RBKS: variants seen among roughly 807,000 people sequenced by gnomAD.
RBKS encodes the protein ribokinase.
RBKS carries 33 observed loss-of-function variants against 33.9 expected under a neutral mutation model. That is an observed-to-expected ratio of 0.97 (90% CI 0.74 to 1.30). The LOEUF is 1.30. Ranked by LOEUF, RBKS falls within the 50% of genes most tolerant of loss-of-function variation. The pLI, the probability that RBKS is intolerant of heterozygous loss-of-function variation, is 0.00. For missense variants in RBKS, 361 were observed against 392.6 expected, an observed-to-expected ratio of 0.92 and a Z score of 0.68; for synonymous variants, 125 against 143.0, an observed-to-expected ratio of 0.87 and a Z score of 0.90.
intron 1 of RBKS, among the ~76,000 whole-genome samples, chr2:27,874,168 G>T (rs1274189883): frequency 6.6e-6 from 1 of 152,172 alleles, no homozygotes; most frequent in African/African-American, 2.4e-5. Flanking sequence ...TCACTGTGTA[G>T]AAAGTACTAA....
At chr2:27,847,587 T>C (rs1376977593) in intron 3 of RBKS, among the ~76,000 whole-genome samples, 1 of 152,232 alleles carries the variant, frequency 6.6e-6, no homozygotes, top group African/African-American at 2.4e-5. Flanking sequence ...CAAAGAGCCC[T>C]GAACTGGAAT....
At chr2:27,820,954 C>T (rs1462451002) in intron 7 of RBKS, among the ~76,000 whole-genome samples, 2 of 147,814 alleles carry the variant, frequency 1.4e-5, no homozygotes, top group South Asian at 4.2e-4. Context: ...GCAGGAGAAT[C>T]GCTTGAACCG....
chr2:27,810,046 C>T lies in RBKS; in HGVS notation c.795+17521G>A, dbSNP rs1176643356. The T allele has an allele frequency of 1.5e-6, 2 of 1,304,120 alleles. No homozygotes were observed. Among genetic ancestry groups the T allele is most frequent in the African/African-American group, 1.5e-5 (1 of 65,878 alleles). 80.8% of individuals were successfully genotyped at this position (1,304,120 alleles called of 1,614,324 possible). On this transcript the variant is annotated intron_variant, in intron 7 of 7. Coordinates refer to ENST00000302188, the MANE Select transcript of RBKS (RefSeq NM_022128.3). The surrounding 1 kb of genome is among the most constrained non-coding windows in gnomAD (Gnocchi z 4.4). ...TCTTGGGTCTTGAGCCAGGTCTACA[C>T]TGTGAAAATGAAGGAAGGAACTGAG...
chr2:27,866,430 TGTTTGCATA>T (rs1664099988), intron 1 of RBKS, among the ~76,000 whole-genome samples: 1 of 152,226 alleles, frequency 6.6e-6, no homozygotes, highest in African/African-American at 2.4e-5. Context: ...GGATGTTCAT[TGTTTGCATA>T]GTTTGCATCA....
At chr2:27,799,931 G>A (rs1240479944) in intron 7 of RBKS, among the ~76,000 whole-genome samples, 1 of 152,190 alleles carries the variant, frequency 6.6e-6, no homozygotes, top group Non-Finnish European at 1.5e-5. Flanking sequence ...AGCTGACTGG[G>A]CCTGGGAACG....
chr2:27,882,121 G>C (rs1311002875), intron 1 of RBKS, among the ~76,000 whole-genome samples: 5 of 151,982 alleles, frequency 3.3e-5, no homozygotes, highest in Non-Finnish European at 7.4e-5. Context: ...AGAAACTATT[G>C]AGTAAACAGA....
intron 1 of RBKS, among the ~76,000 whole-genome samples, chr2:27,888,700 TC>T (rs1664609338): frequency 6.6e-6 from 1 of 152,240 alleles, no homozygotes; most frequent in Admixed American, 6.5e-5. Context: ...TAATGTTCTT[TC>T]TACACAGATG....
intron 1 of RBKS, among the ~76,000 whole-genome samples, chr2:27,865,281 C>T (rs1159084815): frequency 6.6e-6 from 1 of 152,168 alleles, no homozygotes; most frequent in African/African-American, 2.4e-5. Context: ...GATCGCGCCA[C>T]TGAACTGCAG....
intron 7 of RBKS, among the ~76,000 whole-genome samples, chr2:27,787,962 G>A (rs966286708): frequency 2.0e-5 from 3 of 152,156 alleles, no homozygotes; most frequent in African/African-American, 7.2e-5. Context: ...TAAAAAATCA[G>A]TGTAATTCAG....
intron 1 of RBKS, among the ~76,000 whole-genome samples, chr2:27,859,254 A>T (rs1663923478): frequency 6.6e-6 from 1 of 152,224 alleles, no homozygotes; most frequent in Non-Finnish European, 1.5e-5. Flanking sequence ...ATTATGGAAG[A>T]TTACAAACCT....
At chr2:27,878,609 G>C (rs990281778) in intron 1 of RBKS, among the ~76,000 whole-genome samples, 8 of 152,024 alleles carry the variant, frequency 5.3e-5, no homozygotes, top group Non-Finnish European at 1.2e-4. Context: ...TCGCCACACT[G>C]ACTTCCACAA....
At chr2:27,861,476 C>T (rs1663982774) in intron 1 of RBKS, 1 of 470,966 alleles carries the variant, frequency 2.1e-6, no homozygotes, top group African/African-American at 2.0e-5. Context: ...AGAACTGTAA[C>T]TAGAAGTCAT....
rs1028878156 is a variant in RBKS at position 27,786,738 on chromosome 2, G to A, written c.796-4950C>T. Among the ~76,000 whole-genome samples the A allele has an allele frequency of 1.3e-4, 20 of 149,462 alleles. No homozygotes were observed. In the East Asian group the frequency reaches 3.6e-3, roughly 27 times the overall value. On this transcript the variant is annotated intron_variant, in intron 7 of 7. Transcript: ENST00000302188. The stretch of plus-strand genomic sequence containing the variant: ...GGAGGTTGCAGTGAGCCAAGACCGT[G>A]CCACTGCACTCTCGCCTGGGCGACA...
intron 7 of RBKS, among the ~76,000 whole-genome samples, chr2:27,827,292 G>C (rs2148202372): frequency 6.6e-6 from 1 of 152,340 alleles, no homozygotes; most frequent in Non-Finnish European, 1.5e-5. Flanking sequence ...CTGGATAAAT[G>C]AATGAATACA....
At chr2:27,889,472 T>A (rs766555908) in intron 1 of RBKS, among the ~76,000 whole-genome samples, 2 of 152,230 alleles carry the variant, frequency 1.3e-5, no homozygotes, top group African/African-American at 2.4e-5. Context: ...TATCTGAATT[T>A]ATTACTAATT....
intron 7 of RBKS, among the ~76,000 whole-genome samples, chr2:27,815,197 C>T (rs1341762043): frequency 6.6e-6 from 1 of 152,004 alleles, no homozygotes; most frequent in Non-Finnish European, 1.5e-5. Flanking sequence ...TGGTTTGGCT[C>T]TAGGTGGTTT....
intron 2 of RBKS, 90 bp downstream of exon 2, chr2:27,858,348 TA>T: frequency 7.3e-7 from 1 of 1,368,820 alleles, no homozygotes. Context: ...CTGTTCACTC[TA>T]AAATGGTTGA....
Position 27,843,129 on chromosome 2 carries a change from C to A in RBKS, c.452G>T (p.Cys151Phe), listed in dbSNP as rs1445000062. The A allele has an allele frequency of 3.7e-6, 6 of 1,610,746 alleles. No homozygotes were observed. In the Admixed American group the frequency reaches 1.0e-4, roughly 27 times the overall value. Residue 151 changes from cysteine to phenylalanine, a missense_variant, in exon 5 of 8, where the codon TGC (cysteine) becomes TTC (phenylalanine). Physicochemically the swap from Cys to Phe is radical, Grantham distance 205. Coordinates refer to ENST00000302188, the MANE Select transcript of RBKS (RefSeq NM_022128.3). ...AGTTGCTGGAGTTATTTCGAGCTGG[C>A]AGACCATGACTTTGGCTCTGCTAAT... ...NVISRAKVMV[C>F]QLEITPATSL...
intron 7 of RBKS, among the ~76,000 whole-genome samples, chr2:27,816,807 C>T (rs542769916): frequency 9.2e-4 from 140 of 152,242 alleles, no homozygotes; most frequent in African/African-American, 3.2e-3. Context: ...CTATGTTAGC[C>T]AGGATGGTCT....
Sources: allele counts gnomAD v4.1 joint callset (sites outside exome capture counted in the v4.1 genomes callset), GRCh38; gene constraint gnomAD v4.1.1; non-coding constraint Gnocchi (gnomAD v3.1); transcripts MANE v1.5; gene names NCBI Gene and HGNC (gene_info 2026-07-23, HGNC 2026-07-21).